Variants in TENM2 observed in about 807,000 individuals in gnomAD.
TENM2 encodes the protein teneurin transmembrane protein 2.
In TENM2, 52 loss-of-function variants were observed where a neutral mutation model predicts 245.2. The observed-to-expected ratio is 0.21, with a 90% confidence interval of 0.17 to 0.27. The LOEUF is 0.27. Among genes scored for constraint, TENM2 ranks in the 10% least tolerant of loss-of-function variants. TENM2 has a pLI of 1.00. For synonymous variants in TENM2, 1,363 were observed against 1,438.9 expected, an observed-to-expected ratio of 0.95 and a Z score of 1.19; for missense variants, 3,046 against 3,666.8, an observed-to-expected ratio of 0.83 and a Z score of 4.37.
chr5:167,182,909 C>T, the TENM2 span, among the ~76,000 whole-genome samples: 1 of 152,058 alleles, frequency 6.6e-6, no homozygotes, highest in Non-Finnish European at 1.5e-5. Context: ...TAAATATTTA[C>T]AACTAATTTT....
the TENM2 span, among the ~76,000 whole-genome samples, chr5:167,235,188 T>G: frequency 6.6e-6 from 1 of 152,196 alleles, no homozygotes; most frequent in Non-Finnish European, 1.5e-5. Flanking sequence ...TGCTTGTCTG[T>G]GTTCTAATCT....
At chr5:168,115,848 G>A (rs1164741510) in intron 9 of TENM2, among the ~76,000 whole-genome samples, 1 of 152,072 alleles carries the variant, frequency 6.6e-6, no homozygotes, top group African/African-American at 2.4e-5. Flanking sequence ...CTGCATTGAC[G>A]GTTTCGAGGC....
the TENM2 span, among the ~76,000 whole-genome samples, chr5:167,044,653 C>T: frequency 2.0e-5 from 3 of 152,124 alleles, no homozygotes; most frequent in Non-Finnish European, 4.4e-5. Flanking sequence ...AAAGGAAGAG[C>T]CACTGGTGTA....
the TENM2 span, among the ~76,000 whole-genome samples, chr5:167,099,018 TTC>T: frequency 6.6e-6 from 1 of 152,186 alleles, no homozygotes; most frequent in Admixed American, 6.5e-5. Flanking sequence ...TCAAAAAAAT[TTC>T]TGTGTGGGAA....
intron 2 of TENM2, among the ~76,000 whole-genome samples, chr5:167,853,256 C>CTCCA (rs1770752892): frequency 9.0e-6 from 1 of 110,742 alleles, no homozygotes; most frequent in Non-Finnish European, 1.8e-5. Flanking sequence ...CCCCACTGCA[C>CTCCA]TCCAGCCTGG....
intron 3 of TENM2, among the ~76,000 whole-genome samples, chr5:167,925,333 G>C (rs1406768832): frequency 6.6e-6 from 1 of 152,224 alleles, no homozygotes; most frequent in Non-Finnish European, 1.5e-5. Flanking sequence ...ACTAACTTAT[G>C]ATGATAGAAA....
intron 3 of TENM2, among the ~76,000 whole-genome samples, chr5:167,915,672 A>G (rs1030953920): frequency 6.6e-6 from 1 of 152,236 alleles, no homozygotes; most frequent in Admixed American, 6.5e-5. Flanking sequence ...AATTAAAGGC[A>G]TAAACCAAAA....
At chr5:167,511,454 C>A (rs1028513459) in intron 2 of TENM2, among the ~76,000 whole-genome samples, 1 of 152,130 alleles carries the variant, frequency 6.6e-6, no homozygotes, top group African/African-American at 2.4e-5. Flanking sequence ...CACTGATCAC[C>A]CTTAATGCTT....
At chr5:167,891,660 C>G (rs981291053) in intron 3 of TENM2, among the ~76,000 whole-genome samples, 3 of 152,102 alleles carry the variant, frequency 2.0e-5, no homozygotes, top group South Asian at 2.1e-4. Context: ...CATGGGAGAT[C>G]ACCTCACCTC....
chr5:167,885,224 C>G (rs1294711837), intron 3 of TENM2, among the ~76,000 whole-genome samples: 3 of 151,932 alleles, frequency 2.0e-5, no homozygotes, highest in African/African-American at 7.3e-5. Flanking sequence ...TTGATGGTGT[C>G]CTTTGATGTG....
chr5:168,264,110 G>A (rs1274716267), downstream of TENM2: 1 of 152,432 alleles, frequency 6.6e-6, no homozygotes, highest in Non-Finnish European at 1.5e-5. Context: ...TTATGGCAAA[G>A]TGTTTAAATT....
At chr5:167,159,371 G>A in the TENM2 span, among the ~76,000 whole-genome samples, 1 of 152,104 alleles carries the variant, frequency 6.6e-6, no homozygotes, top group Non-Finnish European at 1.5e-5. Flanking sequence ...AAAAGGCAAA[G>A]TTAGACAGGA....
chr5:168,210,584 T>C (rs1478867665), intron 19 of TENM2, among the ~76,000 whole-genome samples: 1 of 151,008 alleles, frequency 6.6e-6, no homozygotes, highest in Admixed American at 6.6e-5. Flanking sequence ...CAGTCAGAGC[T>C]CAGAAGTTAT....
At chr5:168,124,895 A>G in exon 11 of TENM2, 3 of 1,613,190 alleles carry the variant, frequency 1.9e-6, no homozygotes, top group Non-Finnish European at 2.5e-6. Context: ...GTCTGTGTGA[A>G]TGGAGAATGC....
chr5:167,201,780 A>G, the TENM2 span, among the ~76,000 whole-genome samples: 1 of 152,108 alleles, frequency 6.6e-6, no homozygotes, highest in African/African-American at 2.4e-5. Flanking sequence ...TTTAACTTTT[A>G]CTATGAATAA....
chr5:168,083,073 G>T (rs1029665414), intron 7 of TENM2, among the ~76,000 whole-genome samples: 3 of 152,212 alleles, frequency 2.0e-5, no homozygotes, highest in African/African-American at 7.2e-5. Context: ...AGGCAGGAAG[G>T]CCTCCTTGAG....
chr5:167,743,683 A>G (rs1354718079), intron 2 of TENM2, among the ~76,000 whole-genome samples: 1 of 152,166 alleles, frequency 6.6e-6, no homozygotes, highest in Non-Finnish European at 1.5e-5. Context: ...GGACACTATT[A>G]TGTTCTTATT....
intron 11 of TENM2, among the ~76,000 whole-genome samples, chr5:168,126,341 G>T (rs185698238): frequency 7.5e-4 from 114 of 152,220 alleles, no homozygotes; most frequent in African/African-American, 2.6e-3. Context: ...GGTACTTCCC[G>T]GTTAGCTTTG....
intron 2 of TENM2, among the ~76,000 whole-genome samples, chr5:167,749,840 T>G (rs886325192): frequency 3.9e-5 from 6 of 152,122 alleles, no homozygotes; most frequent in Non-Finnish European, 5.9e-5. Flanking sequence ...ATCCTAAATC[T>G]TATAAACCAT....
Sources: gnomAD v4.1 joint callset for allele counts (sites outside exome capture counted in the v4.1 genomes callset) on GRCh38, gnomAD v4.1.1 for gene constraint, MANE v1.5 for transcripts, NCBI Gene and HGNC (gene_info 2026-07-23, HGNC 2026-07-21) for gene names.